Variants in CRISP2 observed in about 807,000 individuals in gnomAD.
CRISP2 encodes the protein cysteine rich secretory protein 2.
CRISP2 carries 29 observed loss-of-function variants against 31.7 expected under a neutral mutation model. The observed-to-expected ratio is 0.92, with a 90% CI of 0.68 to 1.25. CRISP2 has a LOEUF of 1.25. CRISP2 is among the 50% of genes most tolerant of loss of function. The pLI, the probability that CRISP2 is intolerant of heterozygous loss-of-function variation, is 0.00. For missense variants in CRISP2, 318 were observed against 286.5 expected (o/e 1.11, Z -0.79); for synonymous variants, 111 against 101.4 (o/e 1.09, Z -0.57).
In CRISP2 at chr6:49,698,465, G is replaced by A; in HGVS notation, c.314C>T (p.Thr105Ile). ...GENLYMSSDP[T>I]SWSSAIQSWY... is the part of the protein sequence containing the mutation. ...GCTTTGGATTGCAGAAGACCAGGAA[G>A]TAGGGTCACTTGACATATAGAGATT... is the stretch of plus-strand genomic sequence containing the variant. The change falls in exon 7 of 10, where the codon ACT (threonine) becomes ATT (isoleucine). Residue 105 changes from threonine (T) to isoleucine (I), a missense_variant. Physicochemically the swap from Thr to Ile is moderately conservative, Grantham distance 89. Coordinates refer to ENST00000339139, the MANE Select transcript of CRISP2 (RefSeq NM_003296.4). The A allele has an allele frequency of 6.2e-7, 1 of 1,613,258 alleles. No individual in the cohort carries two copies. The highest frequency in any genetic ancestry group is 8.5e-7 in the Non-Finnish European group (1 of 1,179,562).
intron 6 of CRISP2, 137 bp downstream of exon 6, chr6:49,699,667 C>A: frequency 1.6e-6 from 1 of 623,524 alleles, no homozygotes. Flanking sequence ...CCTCTGTATA[C>A]AGATACTTTG....
chr6:49,701,704 G>A (rs1089532), intron 4 of CRISP2, among the ~76,000 whole-genome samples: 16,983 of 61,518 alleles, frequency 0.28, 2,582 homozygotes, highest in East Asian at 0.58. Context: ...TATACATTAT[G>A]TATACATATA....
the CRISP2 span, among the ~76,000 whole-genome samples, chr6:49,678,918 G>A: frequency 3.3e-4 from 50 of 152,270 alleles, no homozygotes; most frequent in Non-Finnish European, 5.4e-4. Flanking sequence ...CAGAATTGGT[G>A]TCCCAGTTGG....
downstream of CRISP2, among the ~76,000 whole-genome samples, chr6:49,691,339 A>C (rs1040714854): frequency 6.6e-6 from 1 of 152,026 alleles, no homozygotes; most frequent in African/African-American, 2.4e-5. Flanking sequence ...TGAATTATTA[A>C]GATTAGGATG....
chr6:49,699,654 A>G, intron 6 of CRISP2, 150 bp downstream of exon 6: 1 of 540,122 alleles, frequency 1.9e-6, no homozygotes, highest in Non-Finnish European at 3.2e-6. Flanking sequence ...TATTGTAAAT[A>G]CCCCTCTGTA....
intron 4 of CRISP2, among the ~76,000 whole-genome samples, chr6:49,701,950 A>T (rs367560470): frequency 0.14 from 213 of 1,574 alleles, 1 homozygote; most frequent in Non-Finnish European, 0.17. Flanking sequence ...TATGTAATAT[A>T]ATATATTATA....
chr6:49,694,108 G>A (rs779346064), intron 9 of CRISP2, among the ~76,000 whole-genome samples: 2 of 152,156 alleles, frequency 1.3e-5, no homozygotes, highest in African/African-American at 4.8e-5. Context: ...TTAAAGGAGC[G>A]AATAAGTCTC....
At chr6:49,701,893 T>G (rs1239610897) in intron 4 of CRISP2, among the ~76,000 whole-genome samples, 1 of 83,384 alleles carries the variant, frequency 1.2e-5, no homozygotes, top group Non-Finnish European at 2.1e-5. Flanking sequence ...TATTATATAT[T>G]ATTATATATT....
At chr6:49,690,080 T>G (rs1764000444), downstream of CRISP2, among the ~76,000 whole-genome samples, 1 of 152,134 alleles carries the variant, frequency 6.6e-6, no homozygotes, top group Non-Finnish European at 1.5e-5. Flanking sequence ...AATGTAAAAT[T>G]CATATTGTTT....
At chr6:49,680,268 T>C in the CRISP2 span, among the ~76,000 whole-genome samples, 1 of 152,172 alleles carries the variant, frequency 6.6e-6, no homozygotes, top group Non-Finnish European at 1.5e-5. Context: ...TTTCTGTTTC[T>C]GTGTTAGTTT....
At chr6:49,680,735 C>T in the CRISP2 span, among the ~76,000 whole-genome samples, 1 of 152,186 alleles carries the variant, frequency 6.6e-6, no homozygotes, top group Non-Finnish European at 1.5e-5. Flanking sequence ...TTTTGATTTG[C>T]ATTTCTCTAA....
chr6:49,698,482 A>G lies in CRISP2; in HGVS notation c.297T>C (p.Tyr99=), dbSNP rs1283847384. ...KTSTRCGENL[Y]MSSDPTSWSS... Reference sequence around the variant, plus strand: ...ACCAGGAAGTAGGGTCACTTGACATATAGAGATTCTCACCACATCTTGTAC... The same window carrying G: ...ACCAGGAAGTAGGGTCACTTGACATGTAGAGATTCTCACCACATCTTGTAC... The change falls in exon 7 of 10, where the codon TAT becomes TAC. Residue 99 remains tyrosine, a synonymous_variant. Coordinates refer to ENST00000339139, the MANE Select transcript of CRISP2 (RefSeq NM_003296.4). The G allele has an allele frequency of 1.2e-6, 2 of 1,611,672 alleles. No homozygotes were observed. The highest frequency in any genetic ancestry group is 8.5e-7 in the Non-Finnish European group (1 of 1,179,154).
chr6:49,690,055 G>T (rs186636979), downstream of CRISP2, among the ~76,000 whole-genome samples: 16 of 152,232 alleles, frequency 1.1e-4, no homozygotes, highest in Admixed American at 6.5e-4. Context: ...TTGGAACATA[G>T]TTATGGATTT....
At chr6:49,695,631 C>T (rs1038454613) in intron 9 of CRISP2, among the ~76,000 whole-genome samples, 33 of 152,166 alleles carry the variant, frequency 2.2e-4, no homozygotes, top group African/African-American at 7.2e-4. Context: ...ATGTTACATA[C>T]GGCAATATGC....
At chr6:49,706,551 G>C (rs74397672) in intron 4 of CRISP2, among the ~76,000 whole-genome samples, 1 of 152,274 alleles carries the variant, frequency 6.6e-6, no homozygotes, top group African/African-American at 2.4e-5. Context: ...TATGGGGCCT[G>C]CTAAGCCTGG....
chr6:49,706,156 T>C (rs779477152), intron 4 of CRISP2, among the ~76,000 whole-genome samples: 1 of 152,218 alleles, frequency 6.6e-6, no homozygotes, highest in African/African-American at 2.4e-5. Context: ...AACCTTGAGA[T>C]ATATTCATTC....
chr6:49,709,073 C>G, intron 4 of CRISP2, 58 bp downstream of exon 4: 1 of 1,453,378 alleles, frequency 6.9e-7, no homozygotes, highest in South Asian at 1.1e-5. Context: ...TTCAGAATAG[C>G]CTGCCATACC....
At chr6:49,699,123 T>C (rs1437683870) in intron 6 of CRISP2, among the ~76,000 whole-genome samples, 3 of 152,120 alleles carry the variant, frequency 2.0e-5, no homozygotes, top group African/African-American at 7.2e-5. Flanking sequence ...TATTTGGGCA[T>C]TTACTAGTTT....
intron 9 of CRISP2, among the ~76,000 whole-genome samples, chr6:49,695,043 A>G (rs536770622): frequency 2.6e-5 from 4 of 152,306 alleles, no homozygotes; most frequent in African/African-American, 9.6e-5. Flanking sequence ...TAACTGAGTC[A>G]GAAAAAATGC....
Sources: gnomAD v4.1 joint callset for allele counts (sites outside exome capture counted in the v4.1 genomes callset) on GRCh38, gnomAD v4.1.1 for gene constraint, MANE v1.5 for transcripts, NCBI Gene and HGNC (gene_info 2026-07-23, HGNC 2026-07-21) for gene names.